SLC35F4: variants seen among roughly 807,000 people sequenced by gnomAD.
SLC35F4 encodes chromosome 14 open reading frame 36.
In SLC35F4, 24 loss-of-function variants were observed where a neutral mutation model predicts 44.2. The observed-to-expected ratio is 0.54, with a 90% CI of 0.39 to 0.76. The LOEUF is 0.76. Among genes scored for constraint, SLC35F4 ranks in the 30% least tolerant of loss-of-function variants. The probability of loss-of-function intolerance (pLI) is 0.00; values close to 1 mark genes in which losing one functional copy is unlikely to be tolerated. For missense variants in SLC35F4, 562 were observed against 586.1 expected (o/e 0.96, Z 0.42); for synonymous variants, 238 against 223.6 (o/e 1.06, Z -0.57).
chr14:57,720,998 A>ATATATATATATG (rs1217135096), intron 1 of SLC35F4, among the ~76,000 whole-genome samples: 3 of 120,470 alleles, frequency 2.5e-5, no homozygotes, highest in Non-Finnish European at 5.4e-5. Context: ...ATATATATAT[A>ATATATATATATG]TATATATATA....
intron 1 of SLC35F4, among the ~76,000 whole-genome samples, chr14:57,893,474 G>T (rs62005018): frequency 0.1 from 15,370 of 152,130 alleles, 1,033 homozygotes; most frequent in Non-Finnish European, 0.15. Context: ...AAAAAGGCAG[G>T]ATTCAAATCC....
chr14:57,922,649 C>T lies in SLC35F4; in HGVS notation n.282+59264G>A, dbSNP rs534284599. Among the ~76,000 whole-genome samples the T allele has an allele frequency of 8.7e-4, 133 of 152,292 alleles. 1 individual carries two copies. Among genetic ancestry groups the T allele is most frequent in the Non-Finnish European group, 1.7e-3 (113 of 68,028 alleles). On this transcript the variant is annotated intron_variant and non_coding_transcript_variant, in intron 1 of 1. Coordinates refer to the SLC35F4 transcript ENST00000556568. ...GTGTTCTGTTGGATAGATGACAGCA[C>T]AGTGAAATGTAAAGTCAGACCAACT...
intron 1 of SLC35F4, among the ~76,000 whole-genome samples, chr14:57,937,136 C>T (rs546614947): frequency 6.0e-5 from 9 of 150,124 alleles, no homozygotes; most frequent in South Asian, 2.1e-4. Context: ...GGCGCTATCT[C>T]GGCTCACGGC....
chr14:57,973,467 G>C (rs1881115350), downstream of SLC35F4, among the ~76,000 whole-genome samples: 1 of 152,092 alleles, frequency 6.6e-6, no homozygotes, highest in Non-Finnish European at 1.5e-5. Context: ...CAATTTTCTA[G>C]GGAAAGATTA....
At chr14:57,922,997 T>C (rs1027596516) in intron 1 of SLC35F4, among the ~76,000 whole-genome samples, 16 of 152,214 alleles carry the variant, frequency 1.1e-4, no homozygotes, top group African/African-American at 3.9e-4. Context: ...AAAAGCCTTA[T>C]ATGCTTTATG....
chr14:57,644,241 A>C (rs1487002473), intron 1 of SLC35F4, among the ~76,000 whole-genome samples: 13 of 152,278 alleles, frequency 8.5e-5, no homozygotes, highest in African/African-American at 3.1e-4. Flanking sequence ...CCAACAGTGT[A>C]AAAGTGTTCC....
chr14:57,883,464 A>G (rs943938068), intron 1 of SLC35F4, among the ~76,000 whole-genome samples: 1 of 152,204 alleles, frequency 6.6e-6, no homozygotes, highest in Non-Finnish European at 1.5e-5. Flanking sequence ...TTTGCCCTCT[A>G]CAAATGAAGT....
At chr14:57,617,935 T>G (rs767357779) in intron 1 of SLC35F4, among the ~76,000 whole-genome samples, 1 of 152,316 alleles carries the variant, frequency 6.6e-6, no homozygotes, top group South Asian at 2.1e-4. Context: ...ACCTGATATG[T>G]AGGCAACAGA....
At chr14:57,662,530 T>G (rs894528512) in intron 1 of SLC35F4, among the ~76,000 whole-genome samples, 1 of 152,178 alleles carries the variant, frequency 6.6e-6, no homozygotes, top group African/African-American at 2.4e-5. Context: ...TGCTTGCCCT[T>G]TTTACATGCC....
chr14:57,704,472 T>C (rs535101670), intron 1 of SLC35F4, among the ~76,000 whole-genome samples: 16 of 152,266 alleles, frequency 1.1e-4, no homozygotes, highest in African/African-American at 3.9e-4. Context: ...TTACAAAGAT[T>C]GGCATAAAAT....
At chr14:57,616,005 A>G (rs2071797163) in intron 1 of SLC35F4, among the ~76,000 whole-genome samples, 1 of 152,196 alleles carries the variant, frequency 6.6e-6, no homozygotes, top group Non-Finnish European at 1.5e-5. Flanking sequence ...GAAAATAACT[A>G]CCATTTCTTT....
chr14:57,733,414 A>G (rs1194832559), intron 1 of SLC35F4, among the ~76,000 whole-genome samples: 1 of 151,646 alleles, frequency 6.6e-6, no homozygotes, highest in Non-Finnish European at 1.5e-5. Context: ...CATACTTCTA[A>G]AATCAGCTTA....
At chr14:57,567,025 C>T (rs905888835) in intron 6 of SLC35F4, among the ~76,000 whole-genome samples, 2 of 152,166 alleles carry the variant, frequency 1.3e-5, no homozygotes, top group African/African-American at 2.4e-5. Context: ...TGTTTTATTC[C>T]CTCTCTCTGG....
intron 1 of SLC35F4, among the ~76,000 whole-genome samples, chr14:57,915,194 G>T (rs1441124136): frequency 6.6e-6 from 1 of 152,130 alleles, no homozygotes. Flanking sequence ...TTCTGAAGCA[G>T]CCCTGAGCAC....
At chr14:57,770,857 A>C (rs1169502558) in intron 1 of SLC35F4, among the ~76,000 whole-genome samples, 6 of 152,192 alleles carry the variant, frequency 3.9e-5, no homozygotes, top group Non-Finnish European at 7.3e-5. Context: ...TTTGCATTTA[A>C]AACCATGGGA....
intron 1 of SLC35F4, among the ~76,000 whole-genome samples, chr14:57,696,992 C>T (rs760946169): frequency 7.2e-5 from 11 of 152,074 alleles, no homozygotes; most frequent in South Asian, 6.2e-4. Context: ...CCCTAGATGA[C>T]GGGTTGATAG....
At chr14:57,842,956 A>G (rs1339478061) in intron 1 of SLC35F4, among the ~76,000 whole-genome samples, 1 of 152,192 alleles carries the variant, frequency 6.6e-6, no homozygotes, top group African/African-American at 2.4e-5. Flanking sequence ...TGAGTCTTCC[A>G]GCCTTCATCT....
intron 1 of SLC35F4, among the ~76,000 whole-genome samples, chr14:57,758,001 A>ATGTGTGTG (rs34860997): frequency 0.031 from 3,935 of 128,874 alleles, 76 homozygotes; most frequent in Admixed American, 0.042. Context: ...TTATAGGTTC[A>ATGTGTGTG]TGTGTGTGTG....
At chr14:57,800,608 T>C (rs956444169) in intron 1 of SLC35F4, among the ~76,000 whole-genome samples, 21 of 152,062 alleles carry the variant, frequency 1.4e-4, no homozygotes, top group Non-Finnish European at 2.6e-4. Flanking sequence ...GCAAAGAAGC[T>C]AAGAATCATG....
Sources: allele counts gnomAD v4.1 joint callset (sites outside exome capture counted in the v4.1 genomes callset), GRCh38; gene constraint gnomAD v4.1.1; transcripts MANE v1.5; gene names NCBI Gene and HGNC (gene_info 2026-07-23, HGNC 2026-07-21).